The following CPQ variants were observed in gnomAD, a reference collection of about 807,000 sequenced individuals.
CPQ encodes Ser-Met dipeptidase.
In CPQ, 37 loss-of-function variants were observed where a neutral mutation model predicts 45.7. That is an observed-to-expected ratio of 0.81 (90% CI 0.62 to 1.07). The LOEUF is 1.07. Ranked by LOEUF, CPQ falls within the 50% of genes least tolerant of loss-of-function variation. The pLI, the probability that CPQ is intolerant of heterozygous loss-of-function variation, is 0.00. For missense variants in CPQ, 537 were observed against 572.9 expected, an observed-to-expected ratio of 0.94 and a Z score of 0.64; for synonymous variants, 186 against 205.8, an observed-to-expected ratio of 0.90 and a Z score of 0.82.
In CPQ at chr8:96,815,650, A is replaced by G. The variant is rs573187935; in HGVS notation, c.434-19323A>G. Among the ~76,000 whole-genome samples the G allele has an allele frequency of 3.9e-5, 6 of 152,284 alleles. No homozygotes were observed. The East Asian group carries it at 1.2e-3, about 30-fold the overall frequency. The stretch of plus-strand genomic sequence containing the variant: ...TATTCTTTTGTAGGCTAATGTACTA[A>G]GCTAATTATGTATTTACATTTTAAA... On this transcript the variant is annotated intron_variant, in intron 2 of 7. Coordinates refer to ENST00000220763, the MANE Select transcript of CPQ (RefSeq NM_016134.4).
chr8:96,991,083 T>G (rs534814617), intron 5 of CPQ, among the ~76,000 whole-genome samples: 92 of 152,220 alleles, frequency 6.0e-4, no homozygotes, highest in African/African-American at 2.2e-3. Flanking sequence ...TGGTAGAAAG[T>G]GGTTCTTAGA....
chr8:96,980,216 T>A (rs1813868588), intron 5 of CPQ, among the ~76,000 whole-genome samples: 1 of 152,184 alleles, frequency 6.6e-6, no homozygotes, highest in African/African-American at 2.4e-5. Context: ...CACTGCAACC[T>A]CCGCCTCCTG....
chr8:96,912,007 G>A (rs1233675140), intron 4 of CPQ, among the ~76,000 whole-genome samples: 2 of 152,090 alleles, frequency 1.3e-5, no homozygotes, highest in East Asian at 1.9e-4. Context: ...TGATGATAAC[G>A]GTGCCCACCC....
At chr8:96,996,793 G>T (rs1235811442) in intron 5 of CPQ, among the ~76,000 whole-genome samples, 1 of 151,848 alleles carries the variant, frequency 6.6e-6, no homozygotes, top group Non-Finnish European at 1.5e-5. Flanking sequence ...TCATAACACT[G>T]GGGGAGGTTT....
chr8:97,137,303 G>A (rs1286538348), intron 7 of CPQ, among the ~76,000 whole-genome samples: 1 of 152,138 alleles, frequency 6.6e-6, no homozygotes, highest in Non-Finnish European at 1.5e-5. Flanking sequence ...ACCATGCCGT[G>A]TCTTTAAGAA....
intron 5 of CPQ, among the ~76,000 whole-genome samples, chr8:96,966,424 A>G (rs1318638745): frequency 2.0e-5 from 3 of 152,362 alleles, no homozygotes; most frequent in Admixed American, 1.3e-4. Flanking sequence ...GACAATGGAT[A>G]AAGGCTGGTC....
rs373216608 is a variant in CPQ at position 96,848,572 on chromosome 8, T to C, written c.641+13392T>C. ...TTCTAAAACAAGAATAAAAAAGGAATTCAGTCTTTCCTGTAGTATGGTTGA... is the reference window on the plus strand; with the variant it reads ...TTCTAAAACAAGAATAAAAAAGGAACTCAGTCTTTCCTGTAGTATGGTTGA... On this transcript the variant is annotated intron_variant, in intron 3 of 7. Transcript: ENST00000220763. 1.8e-4 allele frequency among the ~76,000 whole-genome samples: 27 copies of C among 152,360 alleles called. No homozygotes were observed. The East Asian group carries it at 5.0e-3, about 28-fold the overall frequency.
chr8:96,960,017 C>A (rs896208518), intron 4 of CPQ, among the ~76,000 whole-genome samples: 3 of 151,642 alleles, frequency 2.0e-5, no homozygotes, highest in African/African-American at 4.8e-5. Context: ...GACAATTGAC[C>A]AACATGAATG....
At chr8:96,910,549 G>T (rs1283927690) in intron 4 of CPQ, among the ~76,000 whole-genome samples, 1 of 152,094 alleles carries the variant, frequency 6.6e-6, no homozygotes, top group African/African-American at 2.4e-5. Context: ...CTGTCGCCCA[G>T]GCTGGAGTAC....
intron 2 of CPQ, among the ~76,000 whole-genome samples, chr8:96,803,508 G>A (rs1254795277): frequency 6.6e-6 from 1 of 152,194 alleles, no homozygotes; most frequent in Admixed American, 6.5e-5. Flanking sequence ...GTTTGGATTG[G>A]TGAGAAAACC....
At chr8:96,973,099 G>A (rs1016351929) in intron 5 of CPQ, among the ~76,000 whole-genome samples, 1 of 152,106 alleles carries the variant, frequency 6.6e-6, no homozygotes, top group Non-Finnish European at 1.5e-5. Flanking sequence ...GGAGGCACCA[G>A]AGAAAGGTGA....
intron 1 of CPQ, among the ~76,000 whole-genome samples, chr8:96,661,982 T>G (rs1420645121): frequency 6.6e-6 from 1 of 152,240 alleles, no homozygotes; most frequent in Non-Finnish European, 1.5e-5. Flanking sequence ...TGGGCCATTC[T>G]GCTAGGTCTG....
chr8:97,022,363 T>C (rs531795760), intron 5 of CPQ, among the ~76,000 whole-genome samples: 1 of 152,114 alleles, frequency 6.6e-6, no homozygotes, highest in African/African-American at 2.4e-5. Flanking sequence ...GTAAATGCAA[T>C]AAAAACAAAG....
At chr8:96,787,859 CTTA>C (rs1810792272) in intron 2 of CPQ, among the ~76,000 whole-genome samples, 1 of 34,310 alleles carries the variant, frequency 2.9e-5, no homozygotes, top group Non-Finnish European at 1.0e-4. Flanking sequence ...TTTATAGTAT[CTTA>C]TTATAATTTT....
At chr8:96,858,041 C>G (rs977947823) in intron 3 of CPQ, among the ~76,000 whole-genome samples, 1 of 152,144 alleles carries the variant, frequency 6.6e-6, no homozygotes, top group Non-Finnish European at 1.5e-5. Flanking sequence ...TATGGCCACT[C>G]TCCTAAGAGT....
At chr8:96,884,259 T>G (rs1276506788) in intron 4 of CPQ, among the ~76,000 whole-genome samples, 1 of 152,170 alleles carries the variant, frequency 6.6e-6, no homozygotes, top group Non-Finnish European at 1.5e-5. Context: ...CAGTCTATTT[T>G]CAGCATATTA....
intron 1 of CPQ, among the ~76,000 whole-genome samples, chr8:96,674,455 C>T (rs1240425010): frequency 6.6e-6 from 1 of 151,930 alleles, no homozygotes; most frequent in African/African-American, 2.4e-5. Context: ...TTAGTGTCAC[C>T]AAGGGCATAG....
chr8:96,854,181 A>C (rs1265272515), intron 3 of CPQ, among the ~76,000 whole-genome samples: 1 of 152,158 alleles, frequency 6.6e-6, no homozygotes, highest in Non-Finnish European at 1.5e-5. Flanking sequence ...ATGGAGGTGT[A>C]AATTCATAAG....
At chr8:96,865,486 G>C (rs566917292) in intron 3 of CPQ, among the ~76,000 whole-genome samples, 1 of 152,116 alleles carries the variant, frequency 6.6e-6, no homozygotes, top group East Asian at 1.9e-4. Context: ...ACCCTTCCTG[G>C]TGTGTATGGT....
Sources: allele counts gnomAD v4.1 joint callset (sites outside exome capture counted in the v4.1 genomes callset), GRCh38; gene constraint gnomAD v4.1.1; transcripts MANE v1.5; gene names NCBI Gene and HGNC (gene_info 2026-07-23, HGNC 2026-07-21).